ARB2A: variants seen among roughly 807,000 people sequenced by gnomAD.
ARB2A encodes the protein ARB2 cotranscriptional regulator A.
At chr5:94,044,418 G>A in the ARB2A span, among the ~76,000 whole-genome samples, 13 of 152,042 alleles carry the variant, frequency 8.6e-5, no homozygotes, top group South Asian at 6.2e-4. Flanking sequence ...CAACACTTTC[G>A]GACTGAGCTC....
At chr5:93,794,542 T>C in the ARB2A span, among the ~76,000 whole-genome samples, 1 of 152,176 alleles carries the variant, frequency 6.6e-6, no homozygotes, top group Non-Finnish European at 1.5e-5. Context: ...TGCTTCTCAT[T>C]TGGATAGACT....
chr5:93,943,026 C>T, the ARB2A span, among the ~76,000 whole-genome samples: 2 of 151,894 alleles, frequency 1.3e-5, no homozygotes, highest in Non-Finnish European at 2.9e-5. Context: ...TAAAATGTTC[C>T]CTACTGGTGG....
chr5:93,725,956 C>T, the ARB2A span, among the ~76,000 whole-genome samples: 1 of 151,996 alleles, frequency 6.6e-6, no homozygotes, highest in East Asian at 1.9e-4. Flanking sequence ...AACAGTACTG[C>T]AAGAAGGCCC....
the ARB2A span, among the ~76,000 whole-genome samples, chr5:93,728,851 T>C: frequency 6.6e-6 from 1 of 152,120 alleles, no homozygotes; most frequent in Admixed American, 6.6e-5. Flanking sequence ...AAATAAATGA[T>C]CTATTGTGTT....
At chr5:94,008,412 T>C in the ARB2A span, among the ~76,000 whole-genome samples, 2 of 152,202 alleles carry the variant, frequency 1.3e-5, no homozygotes, top group African/African-American at 2.4e-5. Flanking sequence ...TCTCATTCAG[T>C]AGGTCTGTGG....
At chr5:94,086,921 T>C in the ARB2A span, among the ~76,000 whole-genome samples, 2 of 152,172 alleles carry the variant, frequency 1.3e-5, no homozygotes, top group South Asian at 2.1e-4. Context: ...AATAAAAAAG[T>C]TAACTGTAAA....
the ARB2A span, among the ~76,000 whole-genome samples, chr5:94,106,797 T>C: frequency 9.6e-6 from 1 of 104,562 alleles, no homozygotes; most frequent in Admixed American, 1.3e-4. Flanking sequence ...CACACAGCCA[T>C]AAAAAAGAAT....
the ARB2A span, among the ~76,000 whole-genome samples, chr5:93,923,186 A>C: frequency 6.6e-6 from 1 of 152,064 alleles, no homozygotes; most frequent in Non-Finnish European, 1.5e-5. Flanking sequence ...CTTCCTTATG[A>C]TTTTCCTAAT....
chr5:93,705,584 T>C, the ARB2A span, among the ~76,000 whole-genome samples: 3 of 151,000 alleles, frequency 2.0e-5, no homozygotes, highest in African/African-American at 7.3e-5. Flanking sequence ...TTGTCCTCTT[T>C]AACTGAAGAA....
the ARB2A span, among the ~76,000 whole-genome samples, chr5:93,852,146 C>T: frequency 5.9e-5 from 9 of 152,142 alleles, no homozygotes; most frequent in Admixed American, 4.6e-4. Context: ...GATTGCCATT[C>T]TAACTGGTGT....
At chr5:94,085,435 C>T in the ARB2A span, among the ~76,000 whole-genome samples, 1 of 152,178 alleles carries the variant, frequency 6.6e-6, no homozygotes, top group African/African-American at 2.4e-5. Flanking sequence ...ACAGAGGATT[C>T]ACTTCCAAGA....
chr5:94,044,695 C>T, the ARB2A span, among the ~76,000 whole-genome samples: 1 of 151,994 alleles, frequency 6.6e-6, no homozygotes, highest in South Asian at 2.1e-4. Context: ...CAGGATGAAA[C>T]AGGAGGTCGG....
At chr5:93,638,584 AG>A in the ARB2A span, among the ~76,000 whole-genome samples, 1 of 152,024 alleles carries the variant, frequency 6.6e-6, no homozygotes. Context: ...AGGCTGAGGC[AG>A]GCGGGTCACC....
chr5:94,084,052 C>A, the ARB2A span, among the ~76,000 whole-genome samples: 1 of 151,654 alleles, frequency 6.6e-6, no homozygotes, highest in Non-Finnish European at 1.5e-5. Context: ...GCAGGTGGAT[C>A]CACCTGAGGT....
At chr5:93,918,707 C>A in the ARB2A span, among the ~76,000 whole-genome samples, 2 of 152,134 alleles carry the variant, frequency 1.3e-5, no homozygotes, top group Non-Finnish European at 2.9e-5. Context: ...CAGGCATGAG[C>A]CACTGCGCCT....
chr5:93,895,215 G>A, the ARB2A span, among the ~76,000 whole-genome samples: 3 of 152,090 alleles, frequency 2.0e-5, no homozygotes, highest in African/African-American at 4.8e-5. Flanking sequence ...AGATCTGCAC[G>A]GCCACCAGAG....
At chr5:94,106,869 A>AG in the ARB2A span, among the ~76,000 whole-genome samples, 2 of 132,280 alleles carry the variant, frequency 1.5e-5, no homozygotes, top group Admixed American at 7.3e-5. Flanking sequence ...GAATCAATGC[A>AG]GAAAAAAAAA....
the ARB2A span, among the ~76,000 whole-genome samples, chr5:93,819,434 C>G: frequency 6.6e-6 from 1 of 152,048 alleles, no homozygotes; most frequent in African/African-American, 2.4e-5. Context: ...TTTATTTTTA[C>G]TGAATTACCT....
chr5:93,801,437 G>GCC, the ARB2A span, among the ~76,000 whole-genome samples: 2 of 152,040 alleles, frequency 1.3e-5, no homozygotes. Context: ...TTCATTTCCT[G>GCC]AAGAAAGATG....
Sources: gnomAD v4.1 joint callset for allele counts (sites outside exome capture counted in the v4.1 genomes callset) on GRCh38, gnomAD v4.1.1 for gene constraint, MANE v1.5 for transcripts, NCBI Gene and HGNC (gene_info 2026-07-23, HGNC 2026-07-21) for gene names.